ARHGEF9: variants seen among roughly 807,000 people sequenced by gnomAD.
ARHGEF9 encodes Cdc42 guanine nucleotide exchange factor 9, also known as rho guanine nucleotide exchange factor 9.
Under a neutral mutation model 41.3 loss-of-function variants are expected in ARHGEF9, and 2 were observed. The ratio of observed to expected loss-of-function variants is 0.05; its 90% confidence interval spans 0.02 to 0.15. The LOEUF (loss-of-function observed/expected upper bound fraction) is 0.15, where lower values mean the gene tolerates loss of function less well. Among genes scored for constraint, ARHGEF9 ranks in the 10% least tolerant of loss-of-function variants. ARHGEF9 has a pLI of 1.00. For synonymous variants in ARHGEF9, 160 were observed against 154.4 expected, an observed-to-expected ratio of 1.04 and a Z score of -0.27; for missense variants, 225 against 424.7, an observed-to-expected ratio of 0.53 and a Z score of 4.13.
At chrX:63,772,426 G>A (rs1556455484) in intron 1 of ARHGEF9, among the ~76,000 whole-genome samples, 2 of 111,414 alleles carry the variant, frequency 1.8e-5, no homozygotes, top group South Asian at 3.8e-4. Flanking sequence ...CCACTCTTTC[G>A]AACACTTCCT....
intron 1 of ARHGEF9, among the ~76,000 whole-genome samples, chrX:63,780,828 G>A (rs1242159263): frequency 8.9e-6 from 1 of 111,788 alleles, no homozygotes; most frequent in African/African-American, 3.3e-5. Flanking sequence ...ACAAGTGTTC[G>A]TTCAGCTCAT....
chrX:63,683,305 C>T (rs782602091), intron 4 of ARHGEF9, among the ~76,000 whole-genome samples: 59 of 111,419 alleles, frequency 5.3e-4, no homozygotes, highest in Middle Eastern at 4.6e-3. Flanking sequence ...GGTGAAAGAT[C>T]TGTGCACAGA....
chrX:63,643,120 G>C (rs868958944), intron 9 of ARHGEF9, among the ~76,000 whole-genome samples: 2 of 112,193 alleles, frequency 1.8e-5, no homozygotes, highest in Middle Eastern at 4.6e-3. Flanking sequence ...CCTTCCCTTT[G>C]TTTGGCTGAG....
chrX:63,763,797 A>G (rs2056072813), intron 1 of ARHGEF9, among the ~76,000 whole-genome samples: 1 of 111,647 alleles, frequency 9.0e-6, no homozygotes, highest in Non-Finnish European at 1.9e-5. Flanking sequence ...GCTGTAAAGT[A>G]CTTAGAACAA....
chrX:63,746,898 G>C (rs2055308505), intron 1 of ARHGEF9, among the ~76,000 whole-genome samples: 1 of 111,671 alleles, frequency 9.0e-6, no homozygotes, highest in Admixed American at 9.5e-5. Flanking sequence ...CTGTTTGGCA[G>C]CCAATGCGTG....
At chrX:63,769,184 A>G (rs2056161820) in intron 1 of ARHGEF9, among the ~76,000 whole-genome samples, 2 of 111,969 alleles carry the variant, frequency 1.8e-5, no homozygotes, top group South Asian at 7.4e-4. Flanking sequence ...TCTCAGATAA[A>G]CATAAGGATC....
rs1380455829 is a variant in ARHGEF9 at position 63,693,937 on chromosome X, C to T, written c.582+3188G>A. On this transcript the variant is annotated intron_variant, in intron 4 of 9. Coordinates refer to ENST00000671741, the MANE Select transcript of ARHGEF9 (RefSeq NM_001353921.2). ...CTCACGCTTATAATCCCAGTCAGCA[C>T]TTTGGGAGGCCGAGGTGGGAAGATC... Among the ~76,000 whole-genome samples, 4 of 110,349 alleles carry T rather than the reference C, an allele frequency of 3.6e-5. No homozygotes were observed. In the Admixed American group the frequency reaches 3.9e-4, roughly 11 times the overall value.
chrX:63,764,474 T>C (rs1415294744), intron 1 of ARHGEF9, among the ~76,000 whole-genome samples: 1 of 112,522 alleles, frequency 8.9e-6, no homozygotes, highest in African/African-American at 3.2e-5. Context: ...ACTGGGTATA[T>C]ACCCAAAGGA....
At chrX:63,749,658 T>C (rs1204182314) in intron 1 of ARHGEF9, among the ~76,000 whole-genome samples, 1 of 112,495 alleles carries the variant, frequency 8.9e-6, no homozygotes, top group Non-Finnish European at 1.9e-5. Context: ...TCTGTAACAC[T>C]GGGAATTACA....
chrX:63,693,061 G>A (rs782218291), intron 4 of ARHGEF9, among the ~76,000 whole-genome samples: 8 of 111,547 alleles, frequency 7.2e-5, no homozygotes, highest in Admixed American at 4.8e-4. Flanking sequence ...AGTTAGGAAG[G>A]TTGTGGGGAG....
intron 8 of ARHGEF9, among the ~76,000 whole-genome samples, chrX:63,649,115 C>A (rs1423502939): frequency 8.9e-6 from 1 of 111,752 alleles, no homozygotes; most frequent in Non-Finnish European, 1.9e-5. Flanking sequence ...TAGACATCTA[C>A]AGAACTCTCC....
intron 2 of ARHGEF9, among the ~76,000 whole-genome samples, chrX:63,710,942 CA>C (rs1245255108): frequency 7.4e-5 from 8 of 107,437 alleles, no homozygotes; most frequent in African/African-American, 1.0e-4. Context: ...AGGAATCCAC[CA>C]AAAAAAAACC....
chrX:63,762,508 A>C (rs1459021254), intron 1 of ARHGEF9, among the ~76,000 whole-genome samples: 1 of 111,419 alleles, frequency 9.0e-6, no homozygotes, highest in Non-Finnish European at 1.9e-5. Context: ...ATGTTAAGAA[A>C]GGGCTGGACA....
intron 1 of ARHGEF9, among the ~76,000 whole-genome samples, chrX:63,756,260 T>C (rs1193258730): frequency 8.9e-6 from 1 of 112,307 alleles, no homozygotes; most frequent in Non-Finnish European, 1.9e-5. Context: ...GATTCCCTTA[T>C]ACAGGAGATC....
At chrX:63,647,023 T>A (rs1330089863) in intron 8 of ARHGEF9, among the ~76,000 whole-genome samples, 3 of 111,700 alleles carry the variant, frequency 2.7e-5, no homozygotes, top group Non-Finnish European at 5.6e-5. Flanking sequence ...ATGATTTGGC[T>A]CTCTGTTTGT....
intron 1 of ARHGEF9, among the ~76,000 whole-genome samples, chrX:63,755,592 G>T (rs782243914): frequency 6.3e-5 from 7 of 111,429 alleles, no homozygotes; most frequent in South Asian, 3.8e-4. Flanking sequence ...GGAGAAAGAA[G>T]GAATGGGGGA....
chrX:63,692,521 C>T (rs1392919029), intron 4 of ARHGEF9, among the ~76,000 whole-genome samples: 6 of 111,840 alleles, frequency 5.4e-5, no homozygotes, highest in African/African-American at 1.3e-4. Context: ...ATCATCTCAC[C>T]GCAGTTAGAA....
chrX:63,704,105 T>C (rs1279259165), intron 3 of ARHGEF9, among the ~76,000 whole-genome samples: 1 of 111,539 alleles, frequency 9.0e-6, no homozygotes, highest in Non-Finnish European at 1.9e-5. Flanking sequence ...CAGGTAGAAA[T>C]GGTGAGCCAT....
chrX:63,776,674 G>T lies in ARHGEF9; in HGVS notation c.30+8442C>A, dbSNP rs1396257446. Among the ~76,000 whole-genome samples the T allele has an allele frequency of 1.2e-4, 13 of 111,589 alleles. No individual in the cohort carries two copies. The Admixed American group carries it at 1.2e-3, about 11-fold the overall frequency. ...AGTCCAGAAGCAACATGAGCACTGT[G>T]CAGAGAGTAAAGCCTGAAACAATAG... is the stretch of plus-strand genomic sequence containing the variant. On this transcript the variant is annotated intron_variant, in intron 1 of 9. Coordinates refer to ENST00000671741, the MANE Select transcript of ARHGEF9 (RefSeq NM_001353921.2).
Sources: allele counts gnomAD v4.1 joint callset (sites outside exome capture counted in the v4.1 genomes callset), GRCh38; gene constraint gnomAD v4.1.1; transcripts MANE v1.5; gene names NCBI Gene and HGNC (gene_info 2026-07-23, HGNC 2026-07-21).